Variants in RAB30 observed in about 807,000 individuals in gnomAD.
The protein encoded by RAB30 is ras-related protein Rab-30.
RAB30 carries 9 observed loss-of-function variants against 25.1 expected under a neutral mutation model. That is an observed-to-expected ratio of 0.36 (90% CI 0.22 to 0.63). The LOEUF (loss-of-function observed/expected upper bound fraction) is 0.63. Among genes scored for constraint, RAB30 ranks in the 20% least tolerant of loss-of-function variants. The pLI is 0.69. For synonymous variants in RAB30, 77 were observed against 86.4 expected (o/e 0.89, Z 0.60); for missense variants, 140 against 243.5 (o/e 0.58, Z 2.83).
intron 1 of RAB30, among the ~76,000 whole-genome samples, chr11:83,008,307 C>T (rs1175215003): frequency 1.3e-5 from 2 of 152,178 alleles, no homozygotes; most frequent in Non-Finnish European, 2.9e-5. Flanking sequence ...TGGACCCCTC[C>T]TTCAGCTGTT....
intron 1 of RAB30, among the ~76,000 whole-genome samples, chr11:83,055,348 G>A (rs976768632): frequency 6.6e-6 from 1 of 152,198 alleles, no homozygotes; most frequent in African/African-American, 2.4e-5. Flanking sequence ...AAAGATGGCT[G>A]GGACACCCAC....
chr11:83,054,754 C>G (rs1169962590), intron 1 of RAB30, among the ~76,000 whole-genome samples: 1 of 152,004 alleles, frequency 6.6e-6, no homozygotes, highest in Non-Finnish European at 1.5e-5. Context: ...GTAGCCCCAG[C>G]TACTCAGGAG....
At chr11:82,986,394 G>A (rs1476042237) in intron 4 of RAB30, among the ~76,000 whole-genome samples, 1 of 152,136 alleles carries the variant, frequency 6.6e-6, no homozygotes, top group Non-Finnish European at 1.5e-5. Flanking sequence ...CTTTCATATT[G>A]AACTAACTGT....
intron 3 of RAB30, among the ~76,000 whole-genome samples, chr11:82,993,059 A>G (rs778027290): frequency 1.3e-5 from 2 of 152,236 alleles, no homozygotes; most frequent in Non-Finnish European, 2.9e-5. Context: ...CCAACTGTGG[A>G]ACTTCAGTAA....
At chr11:83,042,515 T>C (rs1361206299) in intron 1 of RAB30, among the ~76,000 whole-genome samples, 4 of 152,090 alleles carry the variant, frequency 2.6e-5, no homozygotes, top group Non-Finnish European at 4.4e-5. Context: ...GATGCACCAC[T>C]GCACTCCAGC....
intron 1 of RAB30, among the ~76,000 whole-genome samples, chr11:83,011,671 A>G (rs1857307046): frequency 6.6e-6 from 1 of 152,222 alleles, no homozygotes; most frequent in Non-Finnish European, 1.5e-5. Flanking sequence ...AAGGAAACCA[A>G]TTCAATTGGT....
At position 82,982,089 on chromosome 11, in the gene RAB30, C is replaced by G; in HGVS notation, c.*76G>C. 1 of 1,581,330 alleles carries G rather than the reference C, an allele frequency of 6.3e-7. No individual in the cohort carries two copies. The highest frequency in any genetic ancestry group is 1.3e-5 in the African/African-American group (1 of 74,382). On this transcript the variant is annotated 3_prime_UTR_variant, in exon 5 of 5. Coordinates refer to ENST00000527633, the MANE Select transcript of RAB30 (RefSeq NM_001286060.2). ...AAGGTCAGAGAGCGGGAGCCACAGTCATCGCCAGATCTCCCCAGCATCTCA... is the reference window on the plus strand; with the variant it reads ...AAGGTCAGAGAGCGGGAGCCACAGTGATCGCCAGATCTCCCCAGCATCTCA...
At position 82,974,840 on chromosome 11, in the gene RAB30, A is replaced by T. The variant is rs1856514538; in HGVS notation, c.*7325T>A. 6.6e-6 allele frequency: 1 copy of T among 151,914 alleles called. No individual in the cohort carries two copies. Among genetic ancestry groups the T allele is most frequent in the South Asian group, 2.1e-4 (1 of 4,832 alleles). The allele number at this position is 151,914 out of a possible 1,614,324, so 9.4% of individuals were successfully genotyped here. A position where few individuals can be genotyped will look rare whatever the true frequency, so the allele number is the denominator to read the frequency against. Reference sequence around the variant, plus strand: ...TCTCTATACTAAAAGTCATGCATTAAAAGTGTGTACAAGATATATGGGGCA... The same window carrying T: ...TCTCTATACTAAAAGTCATGCATTATAAGTGTGTACAAGATATATGGGGCA... On this transcript the variant is annotated 3_prime_UTR_variant, in exon 5 of 5. Transcript: ENST00000527633.
chr11:83,041,379 T>C (rs1010542662), intron 1 of RAB30: 1 of 174,172 alleles, frequency 5.7e-6, no homozygotes, highest in African/African-American at 2.4e-5. Flanking sequence ...TCAAGGCTCC[T>C]TGAGGCTTTC....
intron 1 of RAB30, among the ~76,000 whole-genome samples, chr11:83,019,346 TAAC>T (rs1208461679): frequency 2.0e-5 from 3 of 152,134 alleles, no homozygotes; most frequent in African/African-American, 7.2e-5. Context: ...TTTTAAAAAA[TAAC>T]AACTATGTAT....
chr11:83,031,835 C>T (rs1326186618), intron 1 of RAB30, among the ~76,000 whole-genome samples: 1 of 152,064 alleles, frequency 6.6e-6, no homozygotes, highest in African/African-American at 2.4e-5. Context: ...CCTGCATATT[C>T]TCTTTTTAAC....
rs1033045875 is a variant in RAB30, at chr11:82,981,435, G to C, written c.*730C>G. The C allele has an allele frequency of 1.3e-5, 2 of 152,602 alleles. No individual in the cohort carries two copies. The highest frequency in any genetic ancestry group is 4.8e-5 in the African/African-American group (2 of 41,438). 9.5% of individuals were successfully genotyped at this position (152,602 alleles called of 1,614,324 possible). A position where few individuals can be genotyped will look rare whatever the true frequency, so the allele number is the denominator to read the frequency against. On this transcript the variant is annotated 3_prime_UTR_variant, in exon 5 of 5. Transcript: ENST00000527633. The stretch of plus-strand genomic sequence containing the variant: ...GGTAGTAATGAGACTTTGAGAAAGA[G>C]TGCTGATTCATGGACTTCCCCCATT...
rs556358348 is a variant in RAB30 at position 83,040,264 on chromosome 11, G to C, written c.-9+31427C>G. Among the ~76,000 whole-genome samples, 86 of 152,262 alleles carry C rather than the reference G, an allele frequency of 5.6e-4. 2 individuals carry two copies. Among genetic ancestry groups the C allele is most frequent in the African/African-American group, 2.0e-3 (83 of 41,556 alleles). ...TGAAAAGTTACTCTGAATCAACCTT[G>C]AATACAGTACAGAGAGTGATCACAT... On this transcript the variant is annotated intron_variant, in intron 1 of 4. Transcript: ENST00000527633.
intron 1 of RAB30, among the ~76,000 whole-genome samples, chr11:83,000,321 T>C (rs1856114094): frequency 6.6e-6 from 1 of 152,242 alleles, no homozygotes; most frequent in Non-Finnish European, 1.5e-5. Flanking sequence ...TTAATCAATG[T>C]GATCACCCTT....
At chr11:83,029,209 C>A (rs1007143949) in intron 1 of RAB30, among the ~76,000 whole-genome samples, 4 of 152,064 alleles carry the variant, frequency 2.6e-5, no homozygotes, top group Non-Finnish European at 5.9e-5. Context: ...CACCAACAAC[C>A]CCACTGCCAT....
intron 1 of RAB30, among the ~76,000 whole-genome samples, chr11:83,020,454 G>T (rs1857546660): frequency 6.6e-6 from 1 of 152,254 alleles, no homozygotes; most frequent in African/African-American, 2.4e-5. Flanking sequence ...GGGGGCTGAG[G>T]GCGGCTCTGC....
At chr11:83,002,347 T>C (rs1857104333) in intron 1 of RAB30, among the ~76,000 whole-genome samples, 1 of 152,204 alleles carries the variant, frequency 6.6e-6, no homozygotes, top group Non-Finnish European at 1.5e-5. Flanking sequence ...AGTCACACTT[T>C]AGCTGCATCA....
At chr11:82,993,947 A>G (rs1856907687) in intron 3 of RAB30, 92 bp downstream of exon 3, 2 of 1,029,236 alleles carry the variant, frequency 1.9e-6, no homozygotes. Context: ...GTGGGTTTCA[A>G]TTAGGAGATT....
At chr11:83,018,500 G>A (rs541375536) in intron 1 of RAB30, among the ~76,000 whole-genome samples, 8 of 152,124 alleles carry the variant, frequency 5.3e-5, no homozygotes, top group African/African-American at 1.9e-4. Context: ...TCTGAGAATT[G>A]TCTATTTATG....
Sources: allele counts gnomAD v4.1 joint callset (sites outside exome capture counted in the v4.1 genomes callset), GRCh38; gene constraint gnomAD v4.1.1; transcripts MANE v1.5; gene names NCBI Gene and HGNC (gene_info 2026-07-23, HGNC 2026-07-21).